The following CNTLN variants were observed in gnomAD, a reference collection of about 807,000 sequenced individuals.
CNTLN encodes centlein, centrosomal protein.
A neutral mutation model predicts 180.0 loss-of-function variants in CNTLN; 212 were observed. That is an observed-to-expected ratio of 1.18 (90% CI 1.05 to 1.32). The LOEUF (loss-of-function observed/expected upper bound fraction) is 1.32. Ranked by LOEUF, CNTLN falls within the 40% of genes most tolerant of loss-of-function variation. CNTLN has a pLI of 0.00. For synonymous variants in CNTLN, 722 were observed against 563.1 expected, an observed-to-expected ratio of 1.28 and a Z score of -3.99; for missense variants, 2,095 against 1,610.9, an observed-to-expected ratio of 1.30 and a Z score of -5.14.
chr9:17,452,327 G>T (rs1830834147), intron 18 of CNTLN, among the ~76,000 whole-genome samples: 1 of 152,186 alleles, frequency 6.6e-6, no homozygotes, highest in Non-Finnish European at 1.5e-5. Context: ...ACTGCCCCCA[G>T]TTTACTGACC....
intron 5 of CNTLN, among the ~76,000 whole-genome samples, chr9:17,257,238 G>A (rs985657203): frequency 6.6e-6 from 1 of 151,114 alleles, no homozygotes; most frequent in Non-Finnish European, 1.5e-5. Context: ...TTGGTATTTT[G>A]TTCTTGCGAT....
intron 13 of CNTLN, among the ~76,000 whole-genome samples, chr9:17,383,101 A>T (rs149451047): frequency 6.6e-6 from 1 of 151,970 alleles, no homozygotes; most frequent in South Asian, 2.1e-4. Flanking sequence ...TACCCTCAAC[A>T]TATATAAATA....
At chr9:17,487,832 G>A (rs1283382004) in intron 25 of CNTLN, among the ~76,000 whole-genome samples, 1 of 152,054 alleles carries the variant, frequency 6.6e-6, no homozygotes, top group East Asian at 1.9e-4. Context: ...AAGTGATCAA[G>A]GGCAGTTTAT....
Position 17,487,055 on chromosome 9 carries a change from C to T in CNTLN, c.4108C>T (p.Leu1370Phe), listed in dbSNP as rs751322538. Residue 1370 changes from leucine (L) to phenylalanine (F), a missense_variant, in exon 25 of 26, where the codon CTT becomes TTT. By Grantham distance (22) the Leu-to-Phe change is conservative. Transcript: ENST00000380647. ...ATGGATGTTGTACATTCAGAAACTTCTTGAAGGACAGGTATTTCATTTTTC... is the reference window on the plus strand; with the variant it reads ...ATGGATGTTGTACATTCAGAAACTTTTTGAAGGACAGGTATTTCATTTTTC... ...KEWMLYIQKL[L>F]EGQLPFASYL... is the part of the protein sequence containing the mutation. 2 of 1,602,392 alleles carry T rather than the reference C, an allele frequency of 1.2e-6. No individual in the cohort carries two copies. The highest frequency in any genetic ancestry group is 1.1e-5 in the South Asian group (1 of 89,622).
At chr9:17,307,757 T>G (rs1042998734) in intron 7 of CNTLN, among the ~76,000 whole-genome samples, 1 of 151,974 alleles carries the variant, frequency 6.6e-6, no homozygotes, top group African/African-American at 2.4e-5. Flanking sequence ...CATACAGAAA[T>G]GTACACAAAT....
intron 7 of CNTLN, among the ~76,000 whole-genome samples, chr9:17,308,807 G>T (rs1395669343): frequency 6.6e-6 from 1 of 151,052 alleles, no homozygotes; most frequent in Admixed American, 6.6e-5. Flanking sequence ...AATACATATT[G>T]CCTTTTTAAC....
chr9:17,437,648 T>C (rs1338402533), intron 18 of CNTLN, among the ~76,000 whole-genome samples: 1 of 152,218 alleles, frequency 6.6e-6, no homozygotes, highest in Admixed American at 6.5e-5. Context: ...CATGGATAAG[T>C]ATGTTTGTTA....
At chr9:17,207,751 C>T (rs779124296) in intron 2 of CNTLN, among the ~76,000 whole-genome samples, 36 of 152,098 alleles carry the variant, frequency 2.4e-4, no homozygotes, top group Non-Finnish European at 4.9e-4. Context: ...GCGTTGGTCT[C>T]GCTGGGAGCT....
chr9:17,276,704 G>T (rs1398974076), intron 6 of CNTLN, among the ~76,000 whole-genome samples: 1 of 151,920 alleles, frequency 6.6e-6, no homozygotes, highest in African/African-American at 2.4e-5. Flanking sequence ...AGATGCTCAA[G>T]CCCTTGATAT....
chr9:17,370,532 A>G (rs1192896275), intron 13 of CNTLN, among the ~76,000 whole-genome samples: 2 of 152,162 alleles, frequency 1.3e-5, no homozygotes, highest in Non-Finnish European at 2.9e-5. Context: ...TTTCATCAAC[A>G]CCATACCTAT....
chr9:17,396,571 G>A (rs1587878578), intron 15 of CNTLN, among the ~76,000 whole-genome samples: 1 of 151,824 alleles, frequency 6.6e-6, no homozygotes, highest in African/African-American at 2.4e-5. Context: ...TTTAGATTTG[G>A]GATGCCTCCG....
At chr9:17,467,297 A>G (rs1481813692) in intron 23 of CNTLN, among the ~76,000 whole-genome samples, 1 of 151,538 alleles carries the variant, frequency 6.6e-6, no homozygotes, top group Non-Finnish European at 1.5e-5. Context: ...CTATCAAGAC[A>G]TGGAATAGAC....
intron 2 of CNTLN, among the ~76,000 whole-genome samples, chr9:17,157,611 A>G (rs1212361960): frequency 1.3e-5 from 2 of 152,202 alleles, no homozygotes; most frequent in Non-Finnish European, 2.9e-5. Context: ...TGAACTGAGT[A>G]AAGCAGACTG....
At chr9:17,225,829 C>G (rs1337030268) in intron 2 of CNTLN, among the ~76,000 whole-genome samples, 1 of 151,920 alleles carries the variant, frequency 6.6e-6, no homozygotes, top group African/African-American at 2.4e-5. Context: ...CTCTGTCACT[C>G]TCTCTTTTGA....
intron 7 of CNTLN, among the ~76,000 whole-genome samples, chr9:17,307,389 C>G (rs1305309444): frequency 2.0e-5 from 3 of 152,076 alleles, no homozygotes; most frequent in Non-Finnish European, 2.9e-5. Context: ...CCACCTCACC[C>G]TTCCAAGTAG....
rs367936935 is a variant in CNTLN, at chr9:17,415,844, G to T, written c.2853G>T (p.Lys951Asn). 1.2e-6 allele frequency: 2 copies of T among 1,612,648 alleles called. No individual in the cohort carries two copies. Among genetic ancestry groups the T allele is most frequent in the Non-Finnish European group, 1.7e-6 (2 of 1,179,366 alleles). Reference protein sequence around the residue: ...KKPTFQKKNCKMQKSSHTAVP... With the variant: ...KKPTFQKKNCNMQKSSHTAVP... ...CAACTTTTCAAAAGAAGAATTGCAA[G>T]ATGCAAAAGAGTTCACATACAGCAG... The change falls in exon 17 of 26, where the codon AAG becomes AAT. Residue 951 changes from lysine (K) to asparagine (N), a missense_variant. Coordinates refer to ENST00000380647, the MANE Select transcript of CNTLN (RefSeq NM_017738.4).
chr9:17,242,419 T>A (rs185523708), intron 5 of CNTLN, among the ~76,000 whole-genome samples: 220 of 152,240 alleles, frequency 1.4e-3, no homozygotes, highest in African/African-American at 4.9e-3. Context: ...AAGTGATTCT[T>A]GCCTCAGCTT....
At chr9:17,445,141 A>G (rs1164319709) in intron 18 of CNTLN, among the ~76,000 whole-genome samples, 1 of 152,172 alleles carries the variant, frequency 6.6e-6, no homozygotes, top group East Asian at 1.9e-4. Context: ...TATGAAATTT[A>G]TACAGGGAAT....
chr9:17,136,888 TA>T (rs1334176336), intron 1 of CNTLN, among the ~76,000 whole-genome samples: 8 of 152,192 alleles, frequency 5.3e-5, no homozygotes, highest in African/African-American at 1.9e-4. Flanking sequence ...GAACCCATGA[TA>T]AAGGCCTTTG....
Sources: allele counts gnomAD v4.1 joint callset (sites outside exome capture counted in the v4.1 genomes callset), GRCh38; gene constraint gnomAD v4.1.1; transcripts MANE v1.5; gene names NCBI Gene and HGNC (gene_info 2026-07-23, HGNC 2026-07-21).